The following SPON1 variants were observed in gnomAD, a reference collection of about 807,000 sequenced individuals.
SPON1 encodes spondin 1.
A neutral mutation model predicts 111.7 loss-of-function variants in SPON1; 52 were observed. The ratio of observed to expected loss-of-function variants is 0.47; its 90% confidence interval spans 0.37 to 0.59. SPON1 has a LOEUF of 0.59. Among genes scored for constraint, SPON1 ranks in the 20% least tolerant of loss-of-function variants. The pLI, the probability that SPON1 is intolerant of heterozygous loss-of-function variation, is 0.00. For synonymous variants in SPON1, 410 were observed against 395.8 expected (o/e 1.04, Z -0.43); for missense variants, 957 against 1,068.5 (o/e 0.90, Z 1.46).
chr11:14,236,431 T>G (rs2133915103), intron 6 of SPON1, among the ~76,000 whole-genome samples: 1 of 152,120 alleles, frequency 6.6e-6, no homozygotes, highest in South Asian at 2.1e-4. Context: ...GATCAGGAGT[T>G]TGGTTTCAGG....
At chr11:14,060,684 T>G in intron 3 of SPON1, among the ~76,000 whole-genome samples, 1 of 152,210 alleles carries the variant, frequency 6.6e-6, no homozygotes, top group East Asian at 1.9e-4. Context: ...CAAATGATTC[T>G]AATGAGCAAC....
chr11:14,138,823 G>A (rs1205053452), intron 6 of SPON1, among the ~76,000 whole-genome samples: 7 of 152,032 alleles, frequency 4.6e-5, no homozygotes, highest in East Asian at 1.9e-4. Context: ...CCTTTCACTC[G>A]GTTATTCAGG....
At chr11:13,978,599 A>G (rs1409781237) in intron 1 of SPON1, among the ~76,000 whole-genome samples, 1 of 152,236 alleles carries the variant, frequency 6.6e-6, no homozygotes, top group Non-Finnish European at 1.5e-5. Context: ...ACTTTGAGGT[A>G]AGTGCTGTTA....
At chr11:14,161,624 A>G (rs576004932) in intron 6 of SPON1, among the ~76,000 whole-genome samples, 1 of 152,060 alleles carries the variant, frequency 6.6e-6, no homozygotes, top group Non-Finnish European at 1.5e-5. Flanking sequence ...CAGCTAGAGC[A>G]CTTACATTAA....
chr11:14,060,148 T>C (rs1205430273), intron 3 of SPON1, among the ~76,000 whole-genome samples: 20 of 152,140 alleles, frequency 1.3e-4, no homozygotes, highest in Admixed American at 1.0e-3. Flanking sequence ...TTGTGAGAAA[T>C]TGAAGCTCAG....
At chr11:14,235,312 C>T (rs1472412631) in intron 6 of SPON1, among the ~76,000 whole-genome samples, 1 of 152,216 alleles carries the variant, frequency 6.6e-6, no homozygotes, top group African/African-American at 2.4e-5. Flanking sequence ...ACTGATAGTA[C>T]AGCAGTGAGC....
chr11:14,249,704 C>A (rs982333186), intron 7 of SPON1, among the ~76,000 whole-genome samples: 4 of 152,212 alleles, frequency 2.6e-5, no homozygotes, highest in Admixed American at 1.3e-4. Flanking sequence ...AAAATCCTTT[C>A]TTACCTCTTT....
intron 3 of SPON1, among the ~76,000 whole-genome samples, chr11:14,050,130 G>C (rs544667250): frequency 6.6e-5 from 10 of 152,306 alleles, no homozygotes; most frequent in Non-Finnish European, 1.2e-4. Flanking sequence ...GCTGCTACAA[G>C]ATATGAGAAC....
chr11:14,246,238 G>A (rs1848988477), intron 7 of SPON1, among the ~76,000 whole-genome samples: 1 of 152,322 alleles, frequency 6.6e-6, no homozygotes, highest in East Asian at 1.9e-4. Context: ...TAGGAAGGGA[G>A]GGAGAGAGGA....
At chr11:14,212,024 T>C (rs1473592097) in intron 6 of SPON1, among the ~76,000 whole-genome samples, 1 of 152,200 alleles carries the variant, frequency 6.6e-6, no homozygotes, top group African/African-American at 2.4e-5. Flanking sequence ...TAGTAAATAG[T>C]ATCACTCCAA....
intron 5 of SPON1, among the ~76,000 whole-genome samples, chr11:14,118,609 G>C (rs1032376893): frequency 4.6e-5 from 7 of 152,176 alleles, no homozygotes; most frequent in African/African-American, 1.7e-4. Flanking sequence ...GAAGGCTGAA[G>C]TCTATGAACA....
intron 6 of SPON1, among the ~76,000 whole-genome samples, chr11:14,216,800 T>C (rs1554937186): frequency 6.6e-6 from 1 of 152,222 alleles, no homozygotes; most frequent in African/African-American, 2.4e-5. Context: ...GGAAATTAAG[T>C]TTCCAACACA....
intron 2 of SPON1, among the ~76,000 whole-genome samples, chr11:14,022,863 G>A (rs1383550579): frequency 6.6e-6 from 1 of 152,228 alleles, no homozygotes; most frequent in African/African-American, 2.4e-5. Flanking sequence ...CCACCTGCAC[G>A]CTGAGAAGAC....
At chr11:14,071,031 G>C (rs559366398) in intron 3 of SPON1, among the ~76,000 whole-genome samples, 22 of 152,198 alleles carry the variant, frequency 1.4e-4, no homozygotes, top group Admixed American at 1.3e-3. Flanking sequence ...GTATATAAAT[G>C]CTATGCAACA....
At chr11:14,162,537 A>T (rs1429683083) in intron 6 of SPON1, among the ~76,000 whole-genome samples, 3 of 152,238 alleles carry the variant, frequency 2.0e-5, no homozygotes, top group Non-Finnish European at 4.4e-5. Flanking sequence ...TTGCAGAACC[A>T]TCTGAGTATA....
At chr11:14,028,562 T>C (rs1460901266) in intron 2 of SPON1, among the ~76,000 whole-genome samples, 1 of 152,138 alleles carries the variant, frequency 6.6e-6, no homozygotes, top group Non-Finnish European at 1.5e-5. Context: ...CATTTACATA[T>C]AGCCAGTGAG....
chr11:13,965,060 G>A (rs1848006273), intron 1 of SPON1, among the ~76,000 whole-genome samples: 1 of 152,086 alleles, frequency 6.6e-6, no homozygotes, highest in Admixed American at 6.5e-5. Context: ...GTGTGCCTGA[G>A]CTAAAAGAGA....
intron 2 of SPON1, among the ~76,000 whole-genome samples, chr11:14,016,142 G>A (rs1848442490): frequency 6.6e-6 from 1 of 152,240 alleles, no homozygotes; most frequent in Non-Finnish European, 1.5e-5. Flanking sequence ...CCCTGCTGGT[G>A]GTGCCTCAGG....
chr11:14,204,606 A>G (rs1319489105), intron 6 of SPON1, among the ~76,000 whole-genome samples: 1 of 151,180 alleles, frequency 6.6e-6, no homozygotes, highest in Non-Finnish European at 1.5e-5. Context: ...GATTTTCAAC[A>G]AAGAGTCTTG....
Sources: gnomAD v4.1 joint callset for allele counts (sites outside exome capture counted in the v4.1 genomes callset) on GRCh38, gnomAD v4.1.1 for gene constraint, MANE v1.5 for transcripts, NCBI Gene and HGNC (gene_info 2026-07-23, HGNC 2026-07-21) for gene names.